DENND1B: variants seen among roughly 807,000 people sequenced by gnomAD.
The protein encoded by DENND1B is DENN domain-containing protein 1B.
DENND1B carries 59 observed loss-of-function variants against 90.1 expected under a neutral mutation model. The observed-to-expected ratio is 0.65, with a 90% CI of 0.53 to 0.81. The LOEUF (loss-of-function observed/expected upper bound fraction) is 0.81, where lower values mean the gene tolerates loss of function less well. Ranked by LOEUF, DENND1B falls within the 40% of genes least tolerant of loss-of-function variation. The pLI, the probability that DENND1B is intolerant of heterozygous loss-of-function variation, is 0.00. For missense variants in DENND1B, 862 were observed against 912.6 expected (o/e 0.94, Z 0.71); for synonymous variants, 337 against 324.6 (o/e 1.04, Z -0.41).
At chr1:197,745,614 T>C (rs1663645007) in intron 2 of DENND1B, among the ~76,000 whole-genome samples, 1 of 117,264 alleles carries the variant, frequency 8.5e-6, no homozygotes, top group Non-Finnish European at 1.7e-5. Flanking sequence ...ACCATATATA[T>C]ATTATATATA....
In DENND1B at chr1:197,617,639, T is replaced by C; in HGVS notation, c.773+20A>G. The C allele has an allele frequency of 6.3e-7, 1 of 1,574,932 alleles. No individual in the cohort carries two copies. Among genetic ancestry groups the C allele is most frequent in the Non-Finnish European group, 8.7e-7 (1 of 1,146,822 alleles). On this transcript the variant is annotated intron_variant, in intron 11 of 22. Transcript: ENST00000620048. The stretch of plus-strand genomic sequence containing the variant: ...ATCATGAAACCTAAACTTAAAGGAG[T>C]CTGGCAAAAGCCAGCTTACCAGCAG...
chr1:197,621,417 A>C (rs780774516), intron 10 of DENND1B, among the ~76,000 whole-genome samples: 1 of 151,398 alleles, frequency 6.6e-6, no homozygotes, highest in Non-Finnish European at 1.5e-5. Flanking sequence ...TTTACCTGGA[A>C]CATTTTGAGA....
At chr1:197,724,136 C>T (rs12031377) in intron 2 of DENND1B, among the ~76,000 whole-genome samples, 17,480 of 151,878 alleles carry the variant, frequency 0.12, 1,649 homozygotes, top group East Asian at 0.45. Context: ...AGACACAGTT[C>T]CAATGACTTG....
In DENND1B at chr1:197,721,092, CG is replaced by C. The variant is rs1448309595; in HGVS notation, c.83-6019del. 9.2e-4 allele frequency among the ~76,000 whole-genome samples: 86 copies of C among 93,682 alleles called. 1 individual carries two copies. Among genetic ancestry groups the C allele is most frequent in the African/African-American group, 3.6e-3 (80 of 22,206 alleles). 61.5% of individuals were successfully genotyped at this position (93,682 alleles called of 152,430 possible). ...TTTTTTTTTTTTTTTTTTTTTGAGA[CG>C]GAGTCTCACTCCGTTGCCCAGGCTG... is the stretch of plus-strand genomic sequence containing the variant. On this transcript the variant is annotated intron_variant, in intron 2 of 22. Coordinates refer to ENST00000620048, the MANE Select transcript of DENND1B (RefSeq NM_001195215.2).
At position 197,669,999 on chromosome 1, in the gene DENND1B, G is replaced by A. The variant is rs369382339; in HGVS notation, c.296+2038C>T. 5.3e-5 allele frequency among the ~76,000 whole-genome samples: 8 copies of A among 152,090 alleles called. No individual in the cohort carries two copies. The East Asian group carries it at 9.6e-4, about 18-fold the overall frequency. ...CTTCTACATATACAAGTTTAGAACC[G>A]CAGATAAAAATAATTTGATTATTGT... On this transcript the variant is annotated intron_variant, in intron 5 of 22. Coordinates refer to ENST00000620048, the MANE Select transcript of DENND1B (RefSeq NM_001195215.2).
chr1:197,676,429 A>G (rs1262214967), intron 3 of DENND1B, among the ~76,000 whole-genome samples: 1 of 150,986 alleles, frequency 6.6e-6, no homozygotes, highest in African/African-American at 2.4e-5. Flanking sequence ...CACATATACA[A>G]ACACACACAC....
chr1:197,534,341 A>AT (rs1191075016), intron 20 of DENND1B, among the ~76,000 whole-genome samples: 2 of 152,224 alleles, frequency 1.3e-5, no homozygotes, highest in Non-Finnish European at 2.9e-5. Context: ...AGCATTTCAA[A>AT]TAATAGAAAC....
chr1:197,661,420 A>G (rs1293004890), intron 5 of DENND1B, among the ~76,000 whole-genome samples: 1 of 152,080 alleles, frequency 6.6e-6, no homozygotes, highest in Non-Finnish European at 1.5e-5. Flanking sequence ...AACTTTTAAT[A>G]GCCTGAAGAA....
intron 2 of DENND1B, chr1:197,734,152 G>A (rs1662412277): frequency 1.1e-6 from 1 of 915,122 alleles, no homozygotes; most frequent in Non-Finnish European, 1.3e-6. Context: ...TCCTGAATAA[G>A]TTTTAAAATA....
At chr1:197,680,011 A>G (rs1171247994) in intron 3 of DENND1B, among the ~76,000 whole-genome samples, 1 of 152,126 alleles carries the variant, frequency 6.6e-6, no homozygotes, top group South Asian at 2.1e-4. Context: ...TTAGCCAGGC[A>G]TGGTGGCATG....
intron 3 of DENND1B, among the ~76,000 whole-genome samples, chr1:197,705,325 C>A (rs1659419493): frequency 6.6e-6 from 1 of 152,064 alleles, no homozygotes; most frequent in Non-Finnish European, 1.5e-5. Context: ...GACATAGATA[C>A]ACAAAATGGT....
At chr1:197,635,227 AATT>A (rs1483025002) in intron 10 of DENND1B, among the ~76,000 whole-genome samples, 1 of 152,234 alleles carries the variant, frequency 6.6e-6, no homozygotes, top group East Asian at 1.9e-4. Context: ...ACTATAATGT[AATT>A]AATAATTTTT....
chr1:197,616,342 G>T (rs1173566509), intron 11 of DENND1B, among the ~76,000 whole-genome samples: 1 of 150,872 alleles, frequency 6.6e-6, no homozygotes, highest in Non-Finnish European at 1.5e-5. Context: ...TAGGTATGTT[G>T]GTTAAAGGAA....
intron 2 of DENND1B, among the ~76,000 whole-genome samples, chr1:197,766,217 C>T (rs1390989277): frequency 6.6e-6 from 1 of 152,180 alleles, no homozygotes; most frequent in African/African-American, 2.4e-5. Context: ...TTACAGGTAT[C>T]AGCCACCATG....
chr1:197,760,015 T>C lies in DENND1B; in HGVS notation c.82+12853A>G, dbSNP rs80350656. Among the ~76,000 whole-genome samples, 102 of 152,286 alleles carry C rather than the reference T, an allele frequency of 6.7e-4. No homozygotes were observed. In the East Asian group the frequency reaches 0.02, roughly 29 times the overall value. On this transcript the variant is annotated intron_variant, in intron 2 of 22. Coordinates refer to ENST00000620048, the MANE Select transcript of DENND1B (RefSeq NM_001195215.2). ...TTTTAAAATAAATTTAAATTATATG[T>C]TTAGTCTGTCATATATATTAAACAC... is the stretch of plus-strand genomic sequence containing the variant.
At chr1:197,647,178 T>A in intron 7 of DENND1B, 64 bp from the exon 8 acceptor site, 1 of 1,199,270 alleles carries the variant, frequency 8.3e-7, no homozygotes, top group Non-Finnish European at 1.1e-6. Context: ...ACACAACAAT[T>A]TGCTGTGTAA....
At chr1:197,659,949 T>A (rs776788886) in intron 5 of DENND1B, among the ~76,000 whole-genome samples, 4 of 151,556 alleles carry the variant, frequency 2.6e-5, no homozygotes, top group African/African-American at 4.8e-5. Context: ...ATATTGAACA[T>A]AAAAGGAACT....
intron 3 of DENND1B, among the ~76,000 whole-genome samples, chr1:197,692,130 TA>T (rs75412045): frequency 0.011 from 1,513 of 139,756 alleles, 19 homozygotes; most frequent in African/African-American, 0.032. Context: ...GCCTCCACAA[TA>T]AAAAAAAAAA....
intron 3 of DENND1B, among the ~76,000 whole-genome samples, chr1:197,677,822 C>G (rs1296642017): frequency 6.6e-6 from 1 of 152,158 alleles, no homozygotes; most frequent in East Asian, 1.9e-4. Flanking sequence ...TGTTCAGAGA[C>G]TGTTTAATTC....
Sources: allele counts gnomAD v4.1 joint callset (sites outside exome capture counted in the v4.1 genomes callset), GRCh38; gene constraint gnomAD v4.1.1; transcripts MANE v1.5; gene names NCBI Gene and HGNC (gene_info 2026-07-23, HGNC 2026-07-21).